Variants in PTBP3 observed in about 807,000 individuals in gnomAD.
PTBP3 encodes polypyrimidine tract-binding protein 3.
In PTBP3, 20 loss-of-function variants were observed where a neutral mutation model predicts 58.7. That is an observed-to-expected ratio of 0.34 (90% CI 0.24 to 0.50). The LOEUF is 0.50. PTBP3 is among the 20% of genes least tolerant of loss of function. The pLI is 0.98. For synonymous variants in PTBP3, 185 were observed against 219.8 expected, an observed-to-expected ratio of 0.84 and a Z score of 1.40; for missense variants, 509 against 637.2, an observed-to-expected ratio of 0.80 and a Z score of 2.17.
intron 8 of PTBP3, among the ~76,000 whole-genome samples, chr9:112,233,545 T>C (rs1228695295): frequency 6.6e-6 from 1 of 152,104 alleles, no homozygotes. Context: ...TAAACATATG[T>C]TAAGATATAC....
At chr9:112,319,405 G>A (rs903802772) in intron 1 of PTBP3, among the ~76,000 whole-genome samples, 1 of 152,068 alleles carries the variant, frequency 6.6e-6, no homozygotes, top group Non-Finnish European at 1.5e-5. Context: ...GTGTGGTAGC[G>A]TGTGCCTATA....
intron 8 of PTBP3, 126 bp downstream of exon 8, chr9:112,234,694 A>C: frequency 1.3e-6 from 1 of 796,004 alleles, no homozygotes; most frequent in Non-Finnish European, 2.0e-6. Flanking sequence ...CTACACTTCT[A>C]CAGCTGATAT....
In PTBP3 at chr9:112,306,452, G is replaced by A. The variant is rs1315755695; in HGVS notation, c.-51-8536C>T. Among the ~76,000 whole-genome samples the A allele has an allele frequency of 7.1e-5, 4 of 56,070 alleles. No individual in the cohort carries two copies. The East Asian group carries it at 1.5e-3, about 21-fold the overall frequency. The allele number at this position is 56,070 out of a possible 152,430, so 36.8% of individuals were successfully genotyped here. On this transcript the variant is annotated intron_variant, in intron 1 of 13. Coordinates refer to ENST00000374257, the MANE Select transcript of PTBP3 (RefSeq NM_001163788.4). ...TGCGATTAGAGGCCTAAACCACTGT[G>A]CCTGGGCAAAAAAAAAAAACACTAT...
intron 7 of PTBP3, 117 bp from the exon 8 acceptor site, chr9:112,235,014 A>G (rs911753977): frequency 1.3e-6 from 1 of 790,532 alleles, no homozygotes; most frequent in South Asian, 1.9e-5. Flanking sequence ...GTTACGGAGT[A>G]AAGATCTGTT....
At chr9:112,373,055 G>A in the PTBP3 span, among the ~76,000 whole-genome samples, 9 of 151,826 alleles carry the variant, frequency 5.9e-5, no homozygotes, top group South Asian at 4.2e-4. Context: ...CACCATGCCC[G>A]GCTAATTTTT....
In PTBP3 at chr9:112,221,467, C is replaced by T. The variant is rs1834804023; in HGVS notation, c.*2384G>A. 2.0e-6 allele frequency: 2 copies of T among 984,404 alleles called. No homozygotes were observed. Among genetic ancestry groups the T allele is most frequent in the South Asian group, 4.7e-5 (1 of 21,260 alleles). The allele number at this position is 984,404 out of a possible 1,614,324, so 61.0% of individuals were successfully genotyped here. ...GAGAATCATGAATTAATAAATTACA[C>T]AGTAATTCCTAACTTAAAGTAAATG... is the stretch of plus-strand genomic sequence containing the variant. On this transcript the variant is annotated 3_prime_UTR_variant, in exon 14 of 14. Transcript: ENST00000374257.
At chr9:112,332,959 T>G in intron 1 of PTBP3, 3 of 1,440,998 alleles carry the variant, frequency 2.1e-6, no homozygotes, top group Middle Eastern at 2.5e-4. Context: ...GGACCATGGC[T>G]TGCGACCAGG....
At chr9:112,260,331 CA>C (rs1489994763) in intron 5 of PTBP3, among the ~76,000 whole-genome samples, 3 of 152,078 alleles carry the variant, frequency 2.0e-5, no homozygotes, top group Non-Finnish European at 4.4e-5. Flanking sequence ...ATAAAGAAAA[CA>C]AAAATAGAAG....
the PTBP3 span, among the ~76,000 whole-genome samples, chr9:112,366,265 G>A: frequency 7.1e-6 from 1 of 140,202 alleles, no homozygotes; most frequent in South Asian, 2.4e-4. Flanking sequence ...CTGGGCAATA[G>A]AGTAAGACTC....
At chr9:112,367,979 T>G in the PTBP3 span, among the ~76,000 whole-genome samples, 1 of 152,168 alleles carries the variant, frequency 6.6e-6, no homozygotes, top group African/African-American at 2.4e-5. Context: ...TTCTTCAGTT[T>G]TTTTTTCTTT....
intron 7 of PTBP3, among the ~76,000 whole-genome samples, chr9:112,244,233 T>C (rs1367274091): frequency 8.0e-6 from 1 of 125,694 alleles, no homozygotes; most frequent in Non-Finnish European, 1.6e-5. Context: ...GAGGTTATAG[T>C]GAGCCGAGAT....
chr9:112,339,394 A>G, the PTBP3 span, among the ~76,000 whole-genome samples: 2 of 151,712 alleles, frequency 1.3e-5, no homozygotes, highest in Admixed American at 6.6e-5. Flanking sequence ...TTGCCCTTTA[A>G]AATTGACTTC....
chr9:112,249,037 G>A (rs1359878), intron 7 of PTBP3, among the ~76,000 whole-genome samples: 86,263 of 152,028 alleles, frequency 0.57, 26,613 homozygotes, highest in African/African-American at 0.83. Flanking sequence ...ATTTATGTAA[G>A]GTTCTAAATA....
chr9:112,339,567 T>C, the PTBP3 span, among the ~76,000 whole-genome samples: 2 of 143,860 alleles, frequency 1.4e-5, no homozygotes, highest in Admixed American at 1.4e-4. Context: ...CTTTTCACTC[T>C]TTTTTTTTTT....
chr9:112,234,366 T>G (rs1476577773), intron 8 of PTBP3, among the ~76,000 whole-genome samples: 2 of 152,218 alleles, frequency 1.3e-5, no homozygotes, highest in East Asian at 1.9e-4. Context: ...ACAAAAGGTT[T>G]TCCAAAGATG....
rs184420229 is a variant in PTBP3 at position 112,238,254 on chromosome 9, T to A, written c.803-3357A>T. 9.3e-4 allele frequency among the ~76,000 whole-genome samples: 141 copies of A among 152,278 alleles called. 1 individual carries two copies. Among genetic ancestry groups the A allele is most frequent in the South Asian group, 4.8e-3 (23 of 4,820 alleles). On this transcript the variant is annotated intron_variant, in intron 7 of 13. Transcript: ENST00000374257. ...AAAATCTGTAGTACAGGAGACACTT[T>A]TTAAAAATGAACCAAATAAAATTTC... is the stretch of plus-strand genomic sequence containing the variant.
chr9:112,305,230 T>C (rs1352366597), intron 1 of PTBP3, among the ~76,000 whole-genome samples: 1 of 151,542 alleles, frequency 6.6e-6, no homozygotes, highest in Non-Finnish European at 1.5e-5. Flanking sequence ...AGGTAATCTC[T>C]AAGTCCTTGA....
intron 5 of PTBP3, among the ~76,000 whole-genome samples, 198 bp downstream of exon 5, chr9:112,262,237 T>A (rs781490106): frequency 2.9e-4 from 44 of 152,312 alleles, no homozygotes; most frequent in Non-Finnish European, 5.4e-4. Context: ...ACACCCTTTT[T>A]AATTATGTAT....
chr9:112,352,411 T>C, the PTBP3 span, among the ~76,000 whole-genome samples: 1 of 152,344 alleles, frequency 6.6e-6, no homozygotes, highest in East Asian at 1.9e-4. Context: ...TGGTCAACGG[T>C]TGCAGGTCTG....
Sources: gnomAD v4.1 joint callset for allele counts (sites outside exome capture counted in the v4.1 genomes callset) on GRCh38, gnomAD v4.1.1 for gene constraint, MANE v1.5 for transcripts, NCBI Gene and HGNC (gene_info 2026-07-23, HGNC 2026-07-21) for gene names.